ARHGAP24: variants seen among roughly 807,000 people sequenced by gnomAD.
The protein encoded by ARHGAP24 is rho GTPase-activating protein 24.
A neutral mutation model predicts 76.4 loss-of-function variants in ARHGAP24; 50 were observed. That is an observed-to-expected ratio of 0.65 (90% confidence interval 0.52 to 0.83). The LOEUF (loss-of-function observed/expected upper bound fraction) is 0.83, where lower values mean the gene tolerates loss of function less well. Ranked by LOEUF, ARHGAP24 falls within the 40% of genes least tolerant of loss-of-function variation. ARHGAP24 has a pLI of 0.00. For synonymous variants in ARHGAP24, 345 were observed against 323.3 expected, an observed-to-expected ratio of 1.07 and a Z score of -0.72; for missense variants, 930 against 914.2, an observed-to-expected ratio of 1.02 and a Z score of -0.22.
At chr4:85,485,401 ATATATATATATATC>A (rs1327186371) in intron 1 of ARHGAP24, among the ~76,000 whole-genome samples, 44 of 122,542 alleles carry the variant, frequency 3.6e-4, no homozygotes, top group African/African-American at 1.3e-3. Context: ...ATATATATAT[ATATATATATATATC>A]TCCTTGGATT....
At chr4:85,661,531 T>A (rs1722385496) in intron 2 of ARHGAP24, among the ~76,000 whole-genome samples, 1 of 152,192 alleles carries the variant, frequency 6.6e-6, no homozygotes, top group African/African-American at 2.4e-5. Context: ...TTTTTTTTAA[T>A]TATACTTTAA....
At chr4:85,533,844 C>G (rs566276138) in intron 1 of ARHGAP24, among the ~76,000 whole-genome samples, 1 of 152,188 alleles carries the variant, frequency 6.6e-6, no homozygotes, top group Non-Finnish European at 1.5e-5. Context: ...TTATGGTAAT[C>G]ATTAATTTAA....
chr4:85,655,774 T>C (rs1391567640), intron 2 of ARHGAP24, among the ~76,000 whole-genome samples: 3 of 47,824 alleles, frequency 6.3e-5, no homozygotes, highest in East Asian at 1.6e-3. Context: ...TCCATATATA[T>C]ATATATATAT....
intron 2 of ARHGAP24, among the ~76,000 whole-genome samples, chr4:85,685,571 T>C (rs1022828073): frequency 2.0e-5 from 3 of 151,104 alleles, no homozygotes; most frequent in Non-Finnish European, 4.4e-5. Context: ...AGGTGGAGTT[T>C]GCAGTTAGCC....
chr4:85,855,498 G>A (rs1325028972), intron 3 of ARHGAP24, among the ~76,000 whole-genome samples: 1 of 152,246 alleles, frequency 6.6e-6, no homozygotes, highest in Non-Finnish European at 1.5e-5. Context: ...CCTGAGGTCA[G>A]GAGTTCGAGA....
In ARHGAP24 at chr4:85,480,677, T is replaced by C. The variant is rs372577957; in HGVS notation, c.-21+5118T>C. On this transcript the variant is annotated intron_variant, in intron 1 of 9. Transcript: ENST00000395184. ...TTGTAGTTCCTTGAAACATTCTCTG[T>C]AGTGCTTTTATAATCCCTGATAGAT... Among the ~76,000 whole-genome samples the C allele has an allele frequency of 7.9e-5, 12 of 152,278 alleles. No individual in the cohort carries two copies. The East Asian group carries it at 1.9e-3, about 24-fold the overall frequency.
At chr4:85,591,920 C>T (rs986400726) in intron 2 of ARHGAP24, among the ~76,000 whole-genome samples, 3 of 152,158 alleles carry the variant, frequency 2.0e-5, no homozygotes, top group Non-Finnish European at 4.4e-5. Context: ...CAACCAACCA[C>T]ACTCCCCACA....
At chr4:85,663,428 T>C (rs1407952700) in intron 2 of ARHGAP24, among the ~76,000 whole-genome samples, 1 of 148,188 alleles carries the variant, frequency 6.7e-6, no homozygotes, top group Non-Finnish European at 1.5e-5. Context: ...GCTGAGACAA[T>C]GGGGTTTCCT....
chr4:85,508,207 C>T (rs986784682), intron 1 of ARHGAP24, among the ~76,000 whole-genome samples: 8 of 151,798 alleles, frequency 5.3e-5, no homozygotes, highest in Admixed American at 2.0e-4. Flanking sequence ...CAATGTAAAG[C>T]AGATAGAGAA....
chr4:85,930,326 A>G (rs573388143), intron 4 of ARHGAP24: 2 of 985,952 alleles, frequency 2.0e-6, no homozygotes, highest in African/African-American at 3.5e-5. Context: ...GCATCAAAGG[A>G]TGGGGGGTGC....
intron 1 of ARHGAP24, among the ~76,000 whole-genome samples, chr4:85,486,690 T>C (rs936611851): frequency 6.6e-6 from 1 of 152,192 alleles, no homozygotes; most frequent in Non-Finnish European, 1.5e-5. Context: ...ATACTAGTAA[T>C]AGTTCCTTTA....
chr4:85,682,737 CA>C (rs1428960163), intron 2 of ARHGAP24, among the ~76,000 whole-genome samples: 1 of 152,200 alleles, frequency 6.6e-6, no homozygotes, highest in African/African-American at 2.4e-5. Context: ...CTCCTCTTGA[CA>C]GACACTCAGA....
At chr4:85,917,719 A>G (rs898399398) in intron 3 of ARHGAP24, among the ~76,000 whole-genome samples, 16 of 152,180 alleles carry the variant, frequency 1.1e-4, no homozygotes, top group Non-Finnish European at 1.9e-4. Flanking sequence ...TCTTTTGAGA[A>G]GTGAAGAAAG....
At chr4:85,922,301 A>G (rs1421985522) in intron 3 of ARHGAP24, among the ~76,000 whole-genome samples, 1 of 152,238 alleles carries the variant, frequency 6.6e-6, no homozygotes, top group Non-Finnish European at 1.5e-5. Flanking sequence ...TTCATATAGA[A>G]TTCAGAGGTC....
At chr4:85,653,732 A>G (rs62315278) in intron 2 of ARHGAP24, among the ~76,000 whole-genome samples, 54,850 of 151,564 alleles carry the variant, frequency 0.36, 10,951 homozygotes, top group East Asian at 0.84. Flanking sequence ...TGATCCACCC[A>G]CCTCAGCCTC....
intron 2 of ARHGAP24, among the ~76,000 whole-genome samples, chr4:85,702,966 G>A (rs1165356833): frequency 6.6e-6 from 1 of 150,614 alleles, no homozygotes; most frequent in African/African-American, 2.4e-5. Flanking sequence ...CAAAGGTGGA[G>A]GTCAGAAGTG....
intron 3 of ARHGAP24, among the ~76,000 whole-genome samples, chr4:85,847,666 T>C (rs1272050566): frequency 6.6e-6 from 1 of 152,136 alleles, no homozygotes; most frequent in Non-Finnish European, 1.5e-5. Flanking sequence ...CCTGTCCTAT[T>C]TGAGGAACTG....
rs572468464 is a variant in ARHGAP24 at position 85,979,524 on chromosome 4, C to T, written c.928+1833C>T. 3.9e-5 allele frequency among the ~76,000 whole-genome samples: 6 copies of T among 152,232 alleles called. No homozygotes were observed. The South Asian group carries it at 1.0e-3, about 26-fold the overall frequency. On this transcript the variant is annotated intron_variant, in intron 8 of 9. Transcript: ENST00000395184. Reference sequence around the variant, plus strand: ...CCAGGCCCTGGCAACTACCCTTCTGCTTTCAGTTTCTATGAATTTGTCTAC... The same window carrying T: ...CCAGGCCCTGGCAACTACCCTTCTGTTTTCAGTTTCTATGAATTTGTCTAC...
intron 2 of ARHGAP24, among the ~76,000 whole-genome samples, chr4:85,645,621 G>A (rs548293837): frequency 2.0e-5 from 3 of 152,130 alleles, no homozygotes; most frequent in South Asian, 2.1e-4. Context: ...TCAAACCTGC[G>A]TGTCCATCTT....
Sources: allele counts gnomAD v4.1 joint callset (sites outside exome capture counted in the v4.1 genomes callset), GRCh38; gene constraint gnomAD v4.1.1; transcripts MANE v1.5; gene names NCBI Gene and HGNC (gene_info 2026-07-23, HGNC 2026-07-21).